Variants in INPP4B observed in about 807,000 individuals in gnomAD.
INPP4B encodes inositol polyphosphate-4-phosphatase type II B, also known as inositol polyphosphate 4-phosphatase type II.
A neutral mutation model predicts 122.5 loss-of-function variants in INPP4B; 55 were observed. The ratio of observed to expected loss-of-function variants is 0.45; its 90% confidence interval spans 0.36 to 0.56. INPP4B has a LOEUF of 0.56. INPP4B is among the 20% of genes least tolerant of loss of function. The pLI, the probability that INPP4B is intolerant of heterozygous loss-of-function variation, is 0.00. For synonymous variants in INPP4B, 403 were observed against 388.7 expected (o/e 1.04, Z -0.43); for missense variants, 1,000 against 1,097.7 (o/e 0.91, Z 1.26).
At chr4:142,048,256 T>A (rs539041570) in intron 25 of INPP4B, among the ~76,000 whole-genome samples, 71 of 152,200 alleles carry the variant, frequency 4.7e-4, no homozygotes, top group Admixed American at 7.9e-4. Flanking sequence ...TCCTACATTC[T>A]CCATTGCACG....
In INPP4B at chr4:142,025,067, T is replaced by A. The variant is rs1736613563; in HGVS notation, c.*3715A>T. On this transcript the variant is annotated 3_prime_UTR_variant, in exon 26 of 26. Transcript: ENST00000262992. ...TTAAATAATTTTATACTGCCTCCAA[T>A]AATTTATTTCCTAATAAAAAAAAAA... The A allele has an allele frequency of 6.6e-6, 1 of 152,086 alleles. No homozygotes were observed. The highest frequency in any genetic ancestry group is 1.5e-5 in the Non-Finnish European group (1 of 68,020). The allele number at this position is 152,086 out of a possible 1,614,324, so 9.4% of individuals were successfully genotyped here.
chr4:142,469,978 T>C (rs1225550435), intron 2 of INPP4B, among the ~76,000 whole-genome samples: 1 of 152,108 alleles, frequency 6.6e-6, no homozygotes, highest in Non-Finnish European at 1.5e-5. Flanking sequence ...ATAAATTATG[T>C]TCCATTAGAC....
chr4:142,397,863 A>G (rs1328984466), intron 7 of INPP4B, among the ~76,000 whole-genome samples: 2 of 151,898 alleles, frequency 1.3e-5, no homozygotes, highest in African/African-American at 4.8e-5. Flanking sequence ...TAAAAAATAA[A>G]AAAAGTGCTT....
intron 2 of INPP4B, among the ~76,000 whole-genome samples, chr4:142,624,100 G>T (rs1745673415): frequency 6.6e-6 from 1 of 150,764 alleles, no homozygotes; most frequent in African/African-American, 2.4e-5. Flanking sequence ...GGGATGGCTG[G>T]GTCAAATGGT....
intron 2 of INPP4B, among the ~76,000 whole-genome samples, chr4:142,540,138 C>T (rs1828767186): frequency 6.6e-6 from 1 of 151,872 alleles, no homozygotes; most frequent in Non-Finnish European, 1.5e-5. Context: ...ACTCCAAAAC[C>T]ATTTTATCAT....
At chr4:142,201,252 G>T (rs1320273994) in intron 14 of INPP4B, among the ~76,000 whole-genome samples, 2 of 152,030 alleles carry the variant, frequency 1.3e-5, no homozygotes, top group Non-Finnish European at 2.9e-5. Context: ...CCAGCTATGG[G>T]TATGTTAGGT....
intron 1 of INPP4B, among the ~76,000 whole-genome samples, chr4:142,728,748 C>T (rs1368516743): frequency 2.0e-5 from 3 of 152,162 alleles, no homozygotes; most frequent in Admixed American, 6.5e-5. Flanking sequence ...AGATTCTTCT[C>T]TAGAGCCTCC....
chr4:142,732,159 T>C (rs1766189794), intron 1 of INPP4B, among the ~76,000 whole-genome samples: 1 of 152,116 alleles, frequency 6.6e-6, no homozygotes, highest in Admixed American at 6.5e-5. Context: ...TTTATAGATA[T>C]AAAAACTAAA....
intron 2 of INPP4B, among the ~76,000 whole-genome samples, chr4:142,707,394 T>C (rs1762594185): frequency 6.6e-6 from 1 of 152,204 alleles, no homozygotes; most frequent in Non-Finnish European, 1.5e-5. Context: ...GTTATGTCTT[T>C]CTGATATGGT....
intron 14 of INPP4B, among the ~76,000 whole-genome samples, chr4:142,206,395 C>A (rs75371849): frequency 6.9e-6 from 1 of 144,852 alleles, no homozygotes; most frequent in Non-Finnish European, 1.5e-5. Flanking sequence ...TGACATAGTT[C>A]GTAGTGAATA....
At chr4:142,153,101 C>A (rs1322357001) in intron 17 of INPP4B, among the ~76,000 whole-genome samples, 1 of 152,174 alleles carries the variant, frequency 6.6e-6, no homozygotes, top group Non-Finnish European at 1.5e-5. Context: ...CAATTCAGTG[C>A]AAATATTAAA....
Position 142,085,512 on chromosome 4 carries a change from C to T in INPP4B, c.2487+632G>A, listed in dbSNP as rs1170106633. On this transcript the variant is annotated intron_variant, in intron 24 of 25. Transcript: ENST00000262992. Reference sequence around the variant, plus strand: ...CATGTGAGCTATGCCTCAACGGTTACCAGATAAGAGCCTTAAAAATACAGG... The same window carrying T: ...CATGTGAGCTATGCCTCAACGGTTATCAGATAAGAGCCTTAAAAATACAGG... Among the ~76,000 whole-genome samples, 3 of 152,136 alleles carry T rather than the reference C, an allele frequency of 2.0e-5. No individual in the cohort carries two copies. The East Asian group carries it at 5.8e-4, about 29-fold the overall frequency.
At chr4:142,824,257 A>C (rs2151162316) in intron 1 of INPP4B, among the ~76,000 whole-genome samples, 1 of 149,232 alleles carries the variant, frequency 6.7e-6, no homozygotes, top group South Asian at 2.2e-4. Flanking sequence ...CCCATAATAA[A>C]TCCTCTTTTA....
At position 142,429,205 on chromosome 4, in the gene INPP4B, G is replaced by T; in HGVS notation, c.104C>A (p.Thr35Asn). 1 of 1,562,042 alleles carries T rather than the reference G, an allele frequency of 6.4e-7. No individual in the cohort carries two copies. The highest frequency in any genetic ancestry group is 8.8e-7 in the Non-Finnish European group (1 of 1,137,782). ...GDCQFTSIQK[T>N]PNEPQLEFIL... Reference sequence around the variant, plus strand: ...GAATTCCAACTGCGGTTCATTTGGAGTCTTCTGGATACCTATAAATAATAG... The same window carrying T: ...GAATTCCAACTGCGGTTCATTTGGATTCTTCTGGATACCTATAAATAATAG... The change falls in exon 5 of 26, where the codon ACT (threonine) becomes AAT (asparagine). Residue 35 changes from threonine to asparagine, a missense_variant. Transcript: ENST00000262992.
At chr4:142,410,528 T>A (rs1397592839) in intron 5 of INPP4B, among the ~76,000 whole-genome samples, 1 of 152,160 alleles carries the variant, frequency 6.6e-6, no homozygotes, top group Non-Finnish European at 1.5e-5. Context: ...AATTTCCACA[T>A]CTCTACAATT....
At chr4:142,678,363 A>G (rs1383043028) in intron 2 of INPP4B, among the ~76,000 whole-genome samples, 2 of 151,930 alleles carry the variant, frequency 1.3e-5, no homozygotes, top group Non-Finnish European at 2.9e-5. Context: ...AAGTAGTAAC[A>G]AATATTCAAA....
intron 1 of INPP4B, among the ~76,000 whole-genome samples, chr4:142,732,679 T>C (rs1200441246): frequency 6.6e-6 from 1 of 151,942 alleles, no homozygotes; most frequent in African/African-American, 2.4e-5. Flanking sequence ...TTAAAGGAAA[T>C]AAAGCAAACA....
chr4:142,641,443 C>T (rs924895155), intron 2 of INPP4B, among the ~76,000 whole-genome samples: 2 of 148,086 alleles, frequency 1.4e-5, no homozygotes, highest in Non-Finnish European at 3.0e-5. Flanking sequence ...CAACAGGCCC[C>T]GTTGTGTGAT....
At chr4:142,478,271 T>C (rs1204236652) in intron 2 of INPP4B, among the ~76,000 whole-genome samples, 1 of 152,158 alleles carries the variant, frequency 6.6e-6, no homozygotes, top group African/African-American at 2.4e-5. Flanking sequence ...TTTATTTCTT[T>C]CTCTTACTTA....
Sources: gnomAD v4.1 joint callset for allele counts (sites outside exome capture counted in the v4.1 genomes callset) on GRCh38, gnomAD v4.1.1 for gene constraint, MANE v1.5 for transcripts, NCBI Gene and HGNC (gene_info 2026-07-23, HGNC 2026-07-21) for gene names.